ARG1: variants seen among roughly 807,000 people sequenced by gnomAD.
ARG1 encodes the protein arginase-1.
A neutral mutation model predicts 33.0 loss-of-function variants in ARG1; 20 were observed. The ratio of observed to expected loss-of-function variants is 0.61; its 90% CI spans 0.43 to 0.88. The LOEUF is 0.88. Among genes scored for constraint, ARG1 ranks in the 40% least tolerant of loss-of-function variants. The pLI is 0.00. For missense variants in ARG1, 374 were observed against 384.7 expected, an observed-to-expected ratio of 0.97 and a Z score of 0.23; for synonymous variants, 146 against 140.6, an observed-to-expected ratio of 1.04 and a Z score of -0.27.
At chr6:131,583,296 T>G in intron 6 of ARG1, 59 bp from the exon 7 acceptor site, 4 of 1,610,986 alleles carry the variant, frequency 2.5e-6, no homozygotes, top group Non-Finnish European at 3.4e-6. Context: ...AACAGATTAT[T>G]ATCTATGAAA....
chr6:131,576,757 G>T (rs368656171), intron 2 of ARG1, 22 bp downstream of exon 2: 5 of 1,598,058 alleles, frequency 3.1e-6, no homozygotes, highest in Non-Finnish European at 4.3e-6. Flanking sequence ...GTTGAAAAAT[G>T]ATCAGCCTGA....
chr6:131,573,463 AT>A, intron 1 of ARG1, 124 bp downstream of exon 1: 1 of 885,338 alleles, frequency 1.1e-6, no homozygotes, highest in Non-Finnish European at 1.9e-6. Context: ...GGAAATGCAT[AT>A]TTTAAAGTCC....
In ARG1 at chr6:131,583,764, A is replaced by G. The variant is rs781780752; in HGVS notation, c.825A>G (p.Ile275Met). 8 of 1,614,004 alleles carry G rather than the reference A, an allele frequency of 5.0e-6. No homozygotes were observed. The Admixed American group carries it at 1.3e-4, about 27-fold the overall frequency. Residue 275 changes from isoleucine to methionine, a missense_variant, in exon 8 of 8, where the codon ATA (isoleucine) becomes ATG (methionine). Transcript: ENST00000368087. ...YKTGLLSGLD[I>M]MEVNPSLGKT... The stretch of plus-strand genomic sequence containing the variant: ...TAGGGCTACTCTCAGGATTAGATAT[A>G]ATGGAAGTGAACCCATCCCTGGGGA...
chr6:131,574,364 A>C, intron 1 of ARG1: 3 of 1,566,182 alleles, frequency 1.9e-6, no homozygotes, highest in South Asian at 2.2e-5. Flanking sequence ...AGTAAATACT[A>C]CTTTGCTTCC....
intron 6 of ARG1, 40 bp from the exon 7 acceptor site, chr6:131,583,315 C>T (rs747875285): frequency 3.1e-6 from 5 of 1,613,612 alleles, no homozygotes; most frequent in South Asian, 1.1e-5. Context: ...AATGTGAAGC[C>T]ATCAACCTTA....
intron 5 of ARG1, 43 bp downstream of exon 5, chr6:131,582,758 T>C: frequency 6.4e-7 from 1 of 1,563,384 alleles, no homozygotes. Context: ...TTTTTGTCCC[T>C]TTGTGTGCTA....
In ARG1 at chr6:131,579,213, A is replaced by G; in HGVS notation, c.233A>G (p.Glu78Gly). 6.2e-7 allele frequency: 1 copy of G among 1,614,160 alleles called. No homozygotes were observed. The highest frequency in any genetic ancestry group is 8.5e-7 in the Non-Finnish European group (1 of 1,180,030). The change falls in exon 3 of 8, where the codon GAG (glutamate) becomes GGG (glycine). Residue 78 changes from glutamate (E) to glycine (G), a missense_variant. Glu to Gly is a moderately conservative substitution (Grantham distance 98). Transcript: ENST00000368087. ...CCAAGGTCTGTGGGAAAAGCAAGCG[A>G]GCAGCTGGCTGGCAAGGTGGCAGAA... ...KNPRSVGKAS[E>G]QLAGKVAEVK...
At chr6:131,580,816 T>G (rs1773881710) in intron 3 of ARG1, among the ~76,000 whole-genome samples, 1 of 152,190 alleles carries the variant, frequency 6.6e-6, no homozygotes, top group African/African-American at 2.4e-5. Context: ...GAGAATTAAG[T>G]ATTTACCAAG....
intron 4 of ARG1, among the ~76,000 whole-genome samples, chr6:131,581,743 T>C (rs917379354): frequency 1.3e-5 from 2 of 152,196 alleles, no homozygotes; most frequent in African/African-American, 4.8e-5. Flanking sequence ...TCCTTCCTCT[T>C]TCCACTACAT....
chr6:131,576,009 G>A (rs74812906), intron 1 of ARG1, among the ~76,000 whole-genome samples: 4,906 of 152,148 alleles, frequency 0.032, 108 homozygotes, highest in Middle Eastern at 0.061. Flanking sequence ...ACACTCTTTC[G>A]ATGCTTTTGC....
At chr6:131,578,612 A>G (rs1269025445) in intron 2 of ARG1, among the ~76,000 whole-genome samples, 1 of 152,138 alleles carries the variant, frequency 6.6e-6, no homozygotes, top group Non-Finnish European at 1.5e-5. Flanking sequence ...GGCAGGTTCA[A>G]TGGATACTTT....
At position 131,584,020 on chromosome 6, in the gene ARG1, T is replaced by C; in HGVS notation, c.*112T>C. 7.8e-7 allele frequency: 1 copy of C among 1,276,546 alleles called. No homozygotes were observed. The allele number at this position is 1,276,546 out of a possible 1,614,324, so 79.1% of individuals were successfully genotyped here. Reference sequence around the variant, plus strand: ...AGACTTGTTCTTTCAGAAAAATGTTTTTCCAATTAGTATAAACTCTACAAA... The same window carrying C: ...AGACTTGTTCTTTCAGAAAAATGTTCTTCCAATTAGTATAAACTCTACAAA... On this transcript the variant is annotated 3_prime_UTR_variant, in exon 8 of 8. Transcript: ENST00000368087.
chr6:131,581,119 G>A (rs1773898063), intron 3 of ARG1, 100 bp from the exon 4 acceptor site: 1 of 1,184,036 alleles, frequency 8.4e-7, no homozygotes. Flanking sequence ...ATCAGACACT[G>A]TGACTCAAAG....
chr6:131,581,972 C>T (rs889754720), intron 4 of ARG1, among the ~76,000 whole-genome samples: 1 of 152,180 alleles, frequency 6.6e-6, no homozygotes, highest in Non-Finnish European at 1.5e-5. Flanking sequence ...TTTAATATTA[C>T]AGCTTATAAC....
rs1232128891 is a variant in ARG1 at position 131,579,131 on chromosome 6, G to A, written c.151G>A (p.Gly51Arg). Residue 51 changes from glycine (G) to arginine (R), a missense_variant, in exon 3 of 8, where the codon GGG becomes AGG. Physicochemically the swap from Gly to Arg is moderately radical, Grantham distance 125 (BLOSUM62 -2). Transcript: ENST00000368087. ...TTTAGAGTGTGATGTGAAGGATTAT[G>A]GGGACCTGCCCTTTGCTGACATCCC... ...KEQECDVKDY[G>R]DLPFADIPND... 11 of 1,614,112 alleles carry A rather than the reference G, an allele frequency of 6.8e-6. No homozygotes were observed. The highest frequency in any genetic ancestry group is 9.3e-6 in the Non-Finnish European group (11 of 1,179,988).
chr6:131,583,180 G>A lies in ARG1; in HGVS notation c.665+16G>A, dbSNP rs779978565. On this transcript the variant is annotated intron_variant, in intron 6 of 7. Transcript: ENST00000368087. ...TACTAGGAAGGTAGGATTCTTTTGT[G>A]TGTGCACACATGTGTGTGCAACAGA... is the stretch of plus-strand genomic sequence containing the variant. 6.2e-7 allele frequency: 1 copy of A among 1,608,634 alleles called. No homozygotes were observed. The highest frequency in any genetic ancestry group is 8.5e-7 in the Non-Finnish European group (1 of 1,175,108).
intron 2 of ARG1, among the ~76,000 whole-genome samples, chr6:131,578,186 TAAAAAAAAA>T (rs34484161): frequency 7.1e-6 from 1 of 140,070 alleles, no homozygotes; most frequent in Admixed American, 7.1e-5. Context: ...CGTAAATCTT[TAAAAAAAAA>T]AAAAAAAGAC....
intron 2 of ARG1, among the ~76,000 whole-genome samples, chr6:131,578,186 TA>T (rs34484161): frequency 0.014 from 2,025 of 140,038 alleles, 40 homozygotes; most frequent in African/African-American, 0.045. Context: ...CGTAAATCTT[TA>T]AAAAAAAAAA....
intron 1 of ARG1, among the ~76,000 whole-genome samples, chr6:131,576,034 G>A (rs1773595820): frequency 6.6e-6 from 1 of 152,092 alleles, no homozygotes; most frequent in African/African-American, 2.4e-5. Context: ...TCGTTCCCTT[G>A]GTTTGCAGAG....
Sources: allele counts gnomAD v4.1 joint callset (sites outside exome capture counted in the v4.1 genomes callset), GRCh38; gene constraint gnomAD v4.1.1; transcripts MANE v1.5; gene names NCBI Gene and HGNC (gene_info 2026-07-23, HGNC 2026-07-21).